NFIB: variants seen among roughly 807,000 people sequenced by gnomAD.
The protein encoded by NFIB is nuclear factor 1 B-type.
NFIB carries 11 observed loss-of-function variants against 61.5 expected under a neutral mutation model. That is an observed-to-expected ratio of 0.18 (90% CI 0.11 to 0.30). The LOEUF (loss-of-function observed/expected upper bound fraction) is 0.30. Ranked by LOEUF, NFIB falls within the 10% of genes least tolerant of loss-of-function variation. The pLI, the probability that NFIB is intolerant of heterozygous loss-of-function variation, is 1.00. For synonymous variants in NFIB, 260 were observed against 216.5 expected, an observed-to-expected ratio of 1.20 and a Z score of -1.76; for missense variants, 471 against 608.9, an observed-to-expected ratio of 0.77 and a Z score of 2.38.
intron 1 of NFIB, among the ~76,000 whole-genome samples, chr9:14,354,291 C>G (rs2061150456): frequency 6.6e-6 from 1 of 152,188 alleles, no homozygotes; most frequent in Non-Finnish European, 1.5e-5. Context: ...TCACCACCAC[C>G]TTTTGTGGAG....
chr9:14,134,502 T>C (rs186568147), intron 6 of NFIB, among the ~76,000 whole-genome samples: 10 of 152,268 alleles, frequency 6.6e-5, no homozygotes, highest in African/African-American at 1.9e-4. Flanking sequence ...TCTCTCTTTA[T>C]AATACAAAAA....
chr9:14,473,438 G>A, the NFIB span, among the ~76,000 whole-genome samples: 1 of 152,190 alleles, frequency 6.6e-6, no homozygotes, highest in African/African-American at 2.4e-5. Flanking sequence ...ATTCAAGCTT[G>A]TAAAATGTGC....
the NFIB span, among the ~76,000 whole-genome samples, chr9:14,492,431 T>A: frequency 6.6e-6 from 1 of 150,536 alleles, no homozygotes; most frequent in African/African-American, 2.4e-5. Context: ...AGAAAAGAGG[T>A]TTACTTGGCT....
At chr9:14,509,533 T>C in the NFIB span, among the ~76,000 whole-genome samples, 1 of 152,238 alleles carries the variant, frequency 6.6e-6, no homozygotes, top group Non-Finnish European at 1.5e-5. Context: ...ATCATACTAC[T>C]ATCATAAGCC....
At chr9:14,365,118 G>A (rs760668937) in intron 1 of NFIB, among the ~76,000 whole-genome samples, 2 of 152,212 alleles carry the variant, frequency 1.3e-5, no homozygotes, top group Non-Finnish European at 2.9e-5. Context: ...TTAGCCCAGT[G>A]TCCTGCACAT....
chr9:14,220,919 C>A (rs73645016), intron 2 of NFIB, among the ~76,000 whole-genome samples: 24,036 of 148,678 alleles, frequency 0.16, 2,277 homozygotes, highest in South Asian at 0.32. Context: ...CCTCTCACCC[C>A]CTCCCAAGGA....
At chr9:14,174,493 T>A (rs1472887871) in intron 3 of NFIB, among the ~76,000 whole-genome samples, 1 of 152,000 alleles carries the variant, frequency 6.6e-6, no homozygotes, top group Non-Finnish European at 1.5e-5. Context: ...TGAGGCCGGG[T>A]GCGGTGGCTC....
At chr9:14,373,125 G>A (rs1380272711) in intron 1 of NFIB, among the ~76,000 whole-genome samples, 1 of 152,210 alleles carries the variant, frequency 6.6e-6, no homozygotes, top group African/African-American at 2.4e-5. Context: ...GAACACTGGA[G>A]AAGGGTGGTG....
intron 2 of NFIB, among the ~76,000 whole-genome samples, chr9:14,182,915 G>A (rs1190157296): frequency 6.6e-6 from 1 of 151,730 alleles, no homozygotes; most frequent in Admixed American, 6.6e-5. Context: ...ATCACATTAA[G>A]CACCAAAAGC....
chr9:14,184,606 C>T (rs936198969), intron 2 of NFIB, among the ~76,000 whole-genome samples: 6 of 152,066 alleles, frequency 3.9e-5, no homozygotes, highest in Admixed American at 1.3e-4. Flanking sequence ...TAAGTAATAG[C>T]CTGTAAAGTA....
intron 3 of NFIB, among the ~76,000 whole-genome samples, chr9:14,178,726 T>C: frequency 6.6e-6 from 1 of 152,274 alleles, no homozygotes; most frequent in East Asian, 1.9e-4. Flanking sequence ...TAAGACAAAA[T>C]TGGTCTGATA....
chr9:14,211,931 C>G (rs1195016814), intron 2 of NFIB, among the ~76,000 whole-genome samples: 3 of 152,202 alleles, frequency 2.0e-5, no homozygotes, highest in African/African-American at 4.8e-5. Flanking sequence ...AATGATCTCT[C>G]CACTGACCAG....
intron 1 of NFIB, among the ~76,000 whole-genome samples, chr9:14,309,062 G>C (rs1248456426): frequency 3.0e-4 from 45 of 152,122 alleles, no homozygotes; most frequent in Non-Finnish European, 2.9e-5. Context: ...TGACTATACT[G>C]TCAGCCCAAC....
At chr9:14,400,331 T>G (rs1416243099), upstream of NFIB, among the ~76,000 whole-genome samples, 2 of 152,216 alleles carry the variant, frequency 1.3e-5, no homozygotes, top group Non-Finnish European at 2.9e-5. Context: ...GCTGAAGTAC[T>G]TGCAAGCCTA....
chr9:14,510,083 A>G, the NFIB span, among the ~76,000 whole-genome samples: 1 of 152,118 alleles, frequency 6.6e-6, no homozygotes, highest in Non-Finnish European at 1.5e-5. Context: ...GTTAGTAGAG[A>G]CAGGATTTCA....
At chr9:14,148,350 G>C (rs548895176) in intron 5 of NFIB, among the ~76,000 whole-genome samples, 46 of 152,180 alleles carry the variant, frequency 3.0e-4, no homozygotes, top group African/African-American at 1.1e-3. Flanking sequence ...CTAGGTTCAA[G>C]TGATCCTCCT....
chr9:14,165,960 T>C (rs1563854491), intron 3 of NFIB, among the ~76,000 whole-genome samples: 1 of 152,172 alleles, frequency 6.6e-6, no homozygotes, highest in African/African-American at 2.4e-5. Context: ...TTCACACTAC[T>C]GTATTGTACA....
the NFIB span, among the ~76,000 whole-genome samples, chr9:14,478,778 T>C: frequency 6.6e-6 from 1 of 152,214 alleles, no homozygotes; most frequent in Non-Finnish European, 1.5e-5. Context: ...GTAATGAATA[T>C]CCTTGCACAT....
intron 2 of NFIB, among the ~76,000 whole-genome samples, chr9:14,228,502 C>A (rs1421920314): frequency 6.6e-6 from 1 of 152,154 alleles, no homozygotes; most frequent in South Asian, 2.1e-4. Flanking sequence ...ATAGTAATTC[C>A]CACATCTAAA....
Sources: gnomAD v4.1 joint callset for allele counts (sites outside exome capture counted in the v4.1 genomes callset) on GRCh38, gnomAD v4.1.1 for gene constraint, MANE v1.5 for transcripts, NCBI Gene and HGNC (gene_info 2026-07-23, HGNC 2026-07-21) for gene names.